The following RAB27B variants were observed in gnomAD, a reference collection of about 807,000 sequenced individuals.
RAB27B encodes ras-related protein Rab-27B.
In RAB27B, 15 loss-of-function variants were observed where a neutral mutation model predicts 24.6. The observed-to-expected ratio is 0.61, with a 90% CI of 0.41 to 0.94. The LOEUF (loss-of-function observed/expected upper bound fraction) is 0.94. Ranked by LOEUF, RAB27B falls within the 40% of genes least tolerant of loss-of-function variation. The pLI is 0.00. For missense variants in RAB27B, 261 were observed against 266.8 expected, an observed-to-expected ratio of 0.98 and a Z score of 0.15; for synonymous variants, 105 against 92.5, an observed-to-expected ratio of 1.14 and a Z score of -0.78.
chr18:54,818,645 C>A (rs149203987), intron 2 of RAB27B, among the ~76,000 whole-genome samples: 2 of 152,080 alleles, frequency 1.3e-5, no homozygotes, highest in African/African-American at 2.4e-5. Context: ...CCATTCCTGC[C>A]GTGAGAGCCT....
At position 54,730,908 on chromosome 18, in the gene RAB27B, T is replaced by C. The variant is rs55829298; in HGVS notation, c.-20+12767T>C. ...AACACACTACATGAGTTTGTTTACA[T>C]TGTTACTGTTTTTCTCTCTGTGAAA... On this transcript the variant is annotated intron_variant, in intron 2 of 4. Transcript: ENST00000586570. 2.1e-3 allele frequency among the ~76,000 whole-genome samples: 319 copies of C among 152,348 alleles called. 2 individuals are homozygous for C. Among genetic ancestry groups the C allele is most frequent in the African/African-American group, 7.5e-3 (312 of 41,592 alleles).
chr18:54,818,815 C>A (rs368874509), intron 2 of RAB27B, among the ~76,000 whole-genome samples: 12 of 152,136 alleles, frequency 7.9e-5, no homozygotes, highest in African/African-American at 2.9e-4. Context: ...TTAATTGTAT[C>A]TTTATCCTAA....
intron 2 of RAB27B, among the ~76,000 whole-genome samples, chr18:54,786,565 A>G (rs1487505615): frequency 6.6e-6 from 1 of 152,238 alleles, no homozygotes; most frequent in African/African-American, 2.4e-5. Context: ...TTAACTCTAG[A>G]CACATATTTT....
chr18:54,765,977 C>A (rs990494320), intron 2 of RAB27B, among the ~76,000 whole-genome samples: 2 of 152,144 alleles, frequency 1.3e-5, no homozygotes, highest in African/African-American at 4.8e-5. Context: ...TTGTTTACAG[C>A]AGGACATTAA....
intron 2 of RAB27B, among the ~76,000 whole-genome samples, chr18:54,808,629 C>G (rs6566870): frequency 0.73 from 110,493 of 152,082 alleles, 40,426 homozygotes; most frequent in Middle Eastern, 0.85. Flanking sequence ...TACGATTGAT[C>G]ATTCAGTTCT....
At chr18:54,825,392 A>G (rs1412440718), upstream of RAB27B, among the ~76,000 whole-genome samples, 2 of 152,102 alleles carry the variant, frequency 1.3e-5, no homozygotes, top group African/African-American at 4.8e-5. Context: ...TTGTTTTTGC[A>G]TTGTTTTCAA....
chr18:54,849,905 G>T (rs972927262), intron 1 of RAB27B, among the ~76,000 whole-genome samples: 1 of 152,124 alleles, frequency 6.6e-6, no homozygotes, highest in Non-Finnish European at 1.5e-5. Context: ...GCATTCAGCT[G>T]TTCTCTGGTA....
chr18:54,845,509 G>GA (rs1189046118), intron 1 of RAB27B, among the ~76,000 whole-genome samples: 565 of 147,352 alleles, frequency 3.8e-3, no homozygotes, highest in African/African-American at 0.013. Context: ...CATTGCAACA[G>GA]AAAAAAAAAA....
chr18:54,789,723 G>T (rs1439409243), intron 2 of RAB27B, among the ~76,000 whole-genome samples: 2 of 152,052 alleles, frequency 1.3e-5, no homozygotes, highest in Non-Finnish European at 2.9e-5. Flanking sequence ...AATAGTCTCT[G>T]TAATATAACT....
At chr18:54,773,333 C>A (rs1238421479) in intron 2 of RAB27B, among the ~76,000 whole-genome samples, 1 of 152,162 alleles carries the variant, frequency 6.6e-6, no homozygotes. Flanking sequence ...TGGCGTGCTG[C>A]CTTGGTGAAG....
chr18:54,872,925 A>G (rs1310506638), intron 1 of RAB27B, among the ~76,000 whole-genome samples: 1 of 152,202 alleles, frequency 6.6e-6, no homozygotes, highest in Non-Finnish European at 1.5e-5. Context: ...AAAAGAGATC[A>G]AGTTTCTGTG....
At chr18:54,846,433 A>G (rs932234958) in intron 1 of RAB27B, among the ~76,000 whole-genome samples, 1 of 152,252 alleles carries the variant, frequency 6.6e-6, no homozygotes, top group Non-Finnish European at 1.5e-5. Flanking sequence ...CCTGTGAATA[A>G]CAAGAATGAA....
At chr18:54,833,128 A>T (rs1910752966) in intron 1 of RAB27B, among the ~76,000 whole-genome samples, 2 of 152,114 alleles carry the variant, frequency 1.3e-5, no homozygotes, top group South Asian at 4.1e-4. Flanking sequence ...GAAGCTTGGG[A>T]AAAAATGCTC....
intron 1 of RAB27B, among the ~76,000 whole-genome samples, chr18:54,846,157 T>G (rs1462740393): frequency 6.6e-6 from 1 of 152,248 alleles, no homozygotes; most frequent in African/African-American, 2.4e-5. Context: ...AGGCTATATG[T>G]GCCTTAAGGA....
At chr18:54,767,733 C>T in intron 2 of RAB27B, among the ~76,000 whole-genome samples, 1 of 152,144 alleles carries the variant, frequency 6.6e-6, no homozygotes, top group South Asian at 2.1e-4. Flanking sequence ...GCCTGTTTCC[C>T]ACAATTCACA....
chr18:54,786,576 G>A (rs748341111), intron 2 of RAB27B, among the ~76,000 whole-genome samples: 1 of 152,120 alleles, frequency 6.6e-6, no homozygotes, highest in Non-Finnish European at 1.5e-5. Flanking sequence ...CACATATTTT[G>A]TGTCTTTAAC....
chr18:54,798,962 T>C (rs1909512188), intron 2 of RAB27B, among the ~76,000 whole-genome samples: 2 of 152,212 alleles, frequency 1.3e-5, no homozygotes, highest in African/African-American at 4.8e-5. Flanking sequence ...TGTATGTTTT[T>C]TCAGCCACAA....
intron 2 of RAB27B, among the ~76,000 whole-genome samples, chr18:54,724,086 A>G (rs931613089): frequency 2.6e-5 from 4 of 151,836 alleles, no homozygotes; most frequent in Non-Finnish European, 5.9e-5. Context: ...GGTGAGGAGT[A>G]TCACGTGTGT....
At chr18:54,826,634 A>G (rs1441835230), upstream of RAB27B, among the ~76,000 whole-genome samples, 1 of 152,160 alleles carries the variant, frequency 6.6e-6, no homozygotes, top group Non-Finnish European at 1.5e-5. Context: ...AGTCATCAAT[A>G]AATGTGTGTG....
Sources: allele counts gnomAD v4.1 joint callset (sites outside exome capture counted in the v4.1 genomes callset), GRCh38; gene constraint gnomAD v4.1.1; transcripts MANE v1.5; gene names NCBI Gene and HGNC (gene_info 2026-07-23, HGNC 2026-07-21).